TOGARAM1: variants seen among roughly 807,000 people sequenced by gnomAD.
The protein encoded by TOGARAM1 is TOG array regulator of axonemal microtubules protein 1.
A neutral mutation model predicts 166.6 loss-of-function variants in TOGARAM1; 100 were observed. The observed-to-expected ratio is 0.60, with a 90% CI of 0.51 to 0.71. The LOEUF is 0.71. Ranked by LOEUF, TOGARAM1 falls within the 30% of genes least tolerant of loss-of-function variation. The pLI is 0.00. For synonymous variants in TOGARAM1, 758 were observed against 763.8 expected, an observed-to-expected ratio of 0.99 and a Z score of 0.13; for missense variants, 2,029 against 2,102.7, an observed-to-expected ratio of 0.96 and a Z score of 0.69.
intron 1 of TOGARAM1, among the ~76,000 whole-genome samples, chr14:44,971,342 G>T (rs1236148439): frequency 2.0e-5 from 3 of 152,138 alleles, no homozygotes; most frequent in Non-Finnish European, 4.4e-5. Flanking sequence ...TATAAGCATA[G>T]AGTTGTTAAT....
At chr14:44,966,293 G>A (rs1885535148) in intron 1 of TOGARAM1, among the ~76,000 whole-genome samples, 1 of 150,038 alleles carries the variant, frequency 6.7e-6, no homozygotes, top group African/African-American at 2.4e-5. Context: ...CCAACATGGT[G>A]AAACCCCCGT....
intron 1 of TOGARAM1, among the ~76,000 whole-genome samples, chr14:44,993,344 C>G (rs944658523): frequency 6.6e-6 from 1 of 151,848 alleles, no homozygotes; most frequent in Admixed American, 6.6e-5. Flanking sequence ...GTAAATAACA[C>G]TATGTAAATT....
At chr14:45,044,493 A>T in intron 12 of TOGARAM1, 142 bp from the exon 13 acceptor site, 1 of 621,496 alleles carries the variant, frequency 1.6e-6, no homozygotes, top group Non-Finnish European at 2.7e-6. Context: ...GTGAGCCGAA[A>T]TCATGCTACT....
At chr14:45,007,070 A>G (rs190699402) in intron 5 of TOGARAM1, 1 of 151,800 alleles carries the variant, frequency 6.6e-6, no homozygotes, top group East Asian at 1.9e-4. Context: ...AGTCAGGTTA[A>G]AAAAAAAGTT....
intron 1 of TOGARAM1, among the ~76,000 whole-genome samples, chr14:44,992,756 T>C (rs1594631200): frequency 6.6e-6 from 1 of 151,282 alleles, no homozygotes; most frequent in East Asian, 2.0e-4. Context: ...TAGCTGGGAC[T>C]ACAGGCGCCT....
chr14:45,051,283 C>T (rs911650514), intron 14 of TOGARAM1, among the ~76,000 whole-genome samples: 1 of 152,030 alleles, frequency 6.6e-6, no homozygotes, highest in Admixed American at 6.6e-5. Flanking sequence ...TAAGTTTTGG[C>T]TAGGGAAAAA....
chr14:45,028,383 G>T (rs1880981898), intron 10 of TOGARAM1, 54 bp downstream of exon 10: 1 of 1,515,234 alleles, frequency 6.6e-7, no homozygotes, highest in South Asian at 1.3e-5. Flanking sequence ...GTCTAAAGCT[G>T]GTGAAATGAG....
At chr14:44,995,465 A>G (rs1057024220) in intron 1 of TOGARAM1, 7 of 478,698 alleles carry the variant, frequency 1.5e-5, no homozygotes, top group African/African-American at 1.4e-4. Flanking sequence ...TGTCATTTGT[A>G]TTCTCTCCTT....
At chr14:45,052,036 C>G (rs1364100458) in intron 14 of TOGARAM1, among the ~76,000 whole-genome samples, 2 of 152,188 alleles carry the variant, frequency 1.3e-5, no homozygotes, top group Non-Finnish European at 2.9e-5. Flanking sequence ...ACAGAATCAT[C>G]TGGCAACACA....
At chr14:44,975,250 C>T (rs530578889) in intron 1 of TOGARAM1, among the ~76,000 whole-genome samples, 1 of 152,120 alleles carries the variant, frequency 6.6e-6, no homozygotes, top group South Asian at 2.1e-4. Flanking sequence ...GATGCCCCCC[C>T]ACCAGGTGAA....
chr14:45,012,912 T>C (rs1322845262), intron 7 of TOGARAM1, among the ~76,000 whole-genome samples: 1 of 152,218 alleles, frequency 6.6e-6, no homozygotes, highest in Admixed American at 6.5e-5. Context: ...TATTACCTAC[T>C]TAGCCGCCTA....
chr14:45,006,511 A>C (rs1405124545), intron 5 of TOGARAM1: 1 of 320,146 alleles, frequency 3.1e-6, no homozygotes, highest in East Asian at 5.9e-5. Flanking sequence ...TTTTCTATGC[A>C]TACATTATTC....
At chr14:45,042,479 A>G (rs1881775481) in intron 11 of TOGARAM1, among the ~76,000 whole-genome samples, 3 of 152,216 alleles carry the variant, frequency 2.0e-5, no homozygotes, top group Middle Eastern at 6.8e-3. Flanking sequence ...ACATAAATAC[A>G]TATAGAGAGA....
chr14:45,026,863 G>A (rs185854883), intron 8 of TOGARAM1, among the ~76,000 whole-genome samples: 2 of 151,180 alleles, frequency 1.3e-5, no homozygotes, highest in East Asian at 3.9e-4. Flanking sequence ...AAAAAATTGG[G>A]CAGGCCTGGT....
chr14:45,035,214 G>C (rs1881361516), intron 11 of TOGARAM1, among the ~76,000 whole-genome samples: 1 of 152,082 alleles, frequency 6.6e-6, no homozygotes, highest in Non-Finnish European at 1.5e-5. Flanking sequence ...ACAAAAATTA[G>C]CTGGGTGTGG....
Position 45,060,989 on chromosome 14 carries a change from C to A in TOGARAM1, c.4560-5589C>A, listed in dbSNP as rs1882878660. The stretch of plus-strand genomic sequence containing the variant: ...CTATTTCTCACCATACATATGCCCA[C>A]TAATTTTATCCACCACTGAGAGATT... On this transcript the variant is annotated intron_variant, in intron 16 of 19. Transcript: ENST00000361462. Among the ~76,000 whole-genome samples the A allele has an allele frequency of 2.0e-5, 3 of 152,180 alleles. No individual in the cohort carries two copies. The South Asian group carries it at 6.2e-4, about 31-fold the overall frequency.
chr14:45,045,551 A>ATG (rs1881956158), intron 13 of TOGARAM1, among the ~76,000 whole-genome samples: 2 of 22,874 alleles, frequency 8.7e-5, no homozygotes, highest in Non-Finnish European at 1.6e-4. Context: ...GTGTATATAT[A>ATG]TATATATATA....
intron 2 of TOGARAM1, among the ~76,000 whole-genome samples, chr14:44,998,690 A>ATATG (rs1402131466): frequency 3.3e-5 from 5 of 152,216 alleles, no homozygotes; most frequent in Non-Finnish European, 5.9e-5. Context: ...AAGAGGCTTG[A>ATATG]TATGATAGGG....
rs1290907363 is a variant in TOGARAM1 at position 44,962,845 on chromosome 14, C to A, written c.424C>A (p.Arg142=). The change falls in exon 1 of 20, where the codon CGA becomes AGA. Residue 142 remains arginine (R), a synonymous_variant. Coordinates refer to ENST00000361462, the MANE Select transcript of TOGARAM1 (RefSeq NM_001308120.2). ...RKEALYRALG[R]VLVEGGSDEK... Reference sequence around the variant, plus strand: ...GGAAGCTTTGTATCGGGCACTGGGCCGAGTGCTTGTGGAAGGAGGTAGTGA... The same window carrying A: ...GGAAGCTTTGTATCGGGCACTGGGCAGAGTGCTTGTGGAAGGAGGTAGTGA... The A allele has an allele frequency of 6.2e-7, 1 of 1,613,392 alleles. No homozygotes were observed. The highest frequency in any genetic ancestry group is 1.1e-5 in the South Asian group (1 of 91,074).
Sources: gnomAD v4.1 joint callset for allele counts (sites outside exome capture counted in the v4.1 genomes callset) on GRCh38, gnomAD v4.1.1 for gene constraint, MANE v1.5 for transcripts, NCBI Gene and HGNC (gene_info 2026-07-23, HGNC 2026-07-21) for gene names.